Variants in PBX1 observed in about 807,000 individuals in gnomAD.
The protein encoded by PBX1 is pre-B-cell leukemia transcription factor 1.
A neutral mutation model predicts 53.4 loss-of-function variants in PBX1; 6 were observed. That is an observed-to-expected ratio of 0.11 (90% CI 0.06 to 0.22). The LOEUF (loss-of-function observed/expected upper bound fraction) is 0.22, where lower values mean the gene tolerates loss of function less well. PBX1 is among the 10% of genes least tolerant of loss of function. PBX1 has a pLI of 1.00. For synonymous variants in PBX1, 204 were observed against 212.3 expected, an observed-to-expected ratio of 0.96 and a Z score of 0.34; for missense variants, 251 against 551.4, an observed-to-expected ratio of 0.46 and a Z score of 5.46.
intron 2 of PBX1, among the ~76,000 whole-genome samples, chr1:164,594,929 G>A (rs1655655976): frequency 6.6e-6 from 1 of 152,160 alleles, no homozygotes; most frequent in Non-Finnish European, 1.5e-5. Context: ...CTAATAAGTG[G>A]CAGAAATGAA....
intron 2 of PBX1, among the ~76,000 whole-genome samples, chr1:164,617,745 T>C (rs1657376329): frequency 6.6e-6 from 1 of 152,232 alleles, no homozygotes; most frequent in Non-Finnish European, 1.5e-5. Context: ...TTTGTTCTGT[T>C]ATTTTAAATC....
intron 2 of PBX1, among the ~76,000 whole-genome samples, chr1:164,691,593 G>A (rs1183738562): frequency 1.3e-5 from 2 of 152,244 alleles, no homozygotes; most frequent in South Asian, 2.1e-4. Flanking sequence ...GCGTCTTCTA[G>A]GCTAGGGGCT....
chr1:164,600,246 CTT>C lies in PBX1; in HGVS notation c.265+36957_265+36958del, dbSNP rs71097539. Among the ~76,000 whole-genome samples, 1,130 of 121,656 alleles carry C rather than the reference CTT, an allele frequency of 9.3e-3. 3 individuals carry two copies. Among genetic ancestry groups the C allele is most frequent in the South Asian group, 0.019 (59 of 3,168 alleles). 79.8% of individuals were successfully genotyped at this position (121,656 alleles called of 152,430 possible). A position where few individuals can be genotyped will look rare whatever the true frequency, so the allele number is the denominator to read the frequency against. ...ATTAAGAGCCTAAAGTATGCTGCTG[CTT>C]TTTTTTTTTTTTTTTTTTTTTGATA... is the stretch of plus-strand genomic sequence containing the variant. On this transcript the variant is annotated intron_variant, in intron 2 of 8. Coordinates refer to ENST00000420696, the MANE Select transcript of PBX1 (RefSeq NM_002585.4).
chr1:164,571,137 ATAG>A (rs1279783900), intron 2 of PBX1, among the ~76,000 whole-genome samples: 1 of 152,158 alleles, frequency 6.6e-6, no homozygotes. Flanking sequence ...GCCTTGATTC[ATAG>A]TAGATTTATT....
rs184450990 is a variant in PBX1 at position 164,702,521 on chromosome 1, G to A, written c.266-89973G>A. ...AGTTGACCAAGGTGGGCTTCAGTGTGAGTGAGTGTGTGCACTTGTACAGAT... is the reference window on the plus strand; with the variant it reads ...AGTTGACCAAGGTGGGCTTCAGTGTAAGTGAGTGTGTGCACTTGTACAGAT... On this transcript the variant is annotated intron_variant, in intron 2 of 8. Coordinates refer to ENST00000420696, the MANE Select transcript of PBX1 (RefSeq NM_002585.4). Among the ~76,000 whole-genome samples the A allele has an allele frequency of 7.2e-4, 109 of 152,322 alleles. 1 individual carries two copies. The highest frequency in any genetic ancestry group is 1.2e-3 in the Non-Finnish European group (83 of 68,030).
chr1:164,804,171 T>G (rs1323970993), intron 4 of PBX1, among the ~76,000 whole-genome samples: 1 of 152,192 alleles, frequency 6.6e-6, no homozygotes, highest in Non-Finnish European at 1.5e-5. Flanking sequence ...AAAGAACAAT[T>G]ATTGAAGCCT....
Position 164,846,878 on chromosome 1 carries a change from T to A in PBX1, c.*202T>A, listed in dbSNP as rs938942127. On this transcript the variant is annotated 3_prime_UTR_variant, in exon 9 of 9. Transcript: ENST00000420696. ...TCTTTATACTCTCTTCCCTTTTTTT[T>A]CTGGGTAGAAGCCACCCTTCCCTGC... is the stretch of plus-strand genomic sequence containing the variant. The A allele has an allele frequency of 2.1e-6, 3 of 1,401,550 alleles. No individual in the cohort carries two copies. Among genetic ancestry groups the A allele is most frequent in the African/African-American group, 2.9e-5 (2 of 69,330 alleles). The allele number at this position is 1,401,550 out of a possible 1,614,324, so 86.8% of individuals were successfully genotyped here.
rs563356963 is a variant in PBX1 at position 164,700,084 on chromosome 1, GC to G, written c.266-92408del. 7.6e-3 allele frequency among the ~76,000 whole-genome samples: 1,157 copies of G among 152,314 alleles called. 5 individuals are homozygous for G. Among genetic ancestry groups the G allele is most frequent in the Non-Finnish European group, 0.011 (742 of 68,026 alleles). ...GGGAGGTAATGGGCTTTCGCAACAT[GC>G]CGGAACAGAGATGCTTATTACAGGG... On this transcript the variant is annotated intron_variant, in intron 2 of 8. Coordinates refer to ENST00000420696, the MANE Select transcript of PBX1 (RefSeq NM_002585.4).
chr1:164,664,129 A>C (rs965008576), intron 2 of PBX1, among the ~76,000 whole-genome samples: 15 of 152,244 alleles, frequency 9.9e-5, no homozygotes, highest in African/African-American at 3.1e-4. Flanking sequence ...AGAGAAGGAC[A>C]TAGATGTCTC....
rs145089932 is a variant in PBX1, at chr1:164,816,087, A to G, written c.997+3938A>G. 253 of 152,302 alleles carry G rather than the reference A, an allele frequency of 1.7e-3. 2 individuals are homozygous for G. The highest frequency in any genetic ancestry group is 5.9e-3 in the African/African-American group (247 of 41,574). The allele number at this position is 152,302 out of a possible 1,614,324, so 9.4% of individuals were successfully genotyped here. ...AAAATATTTATCCCACTGATGTTTT[A>G]TCTCATGTCTTTCTTAGTATGATTC... On this transcript the variant is annotated intron_variant, in intron 6 of 8. Transcript: ENST00000420696.
intron 2 of PBX1, among the ~76,000 whole-genome samples, chr1:164,615,756 C>T (rs1657236646): frequency 6.6e-6 from 1 of 152,022 alleles, no homozygotes; most frequent in South Asian, 2.1e-4. Context: ...GTGCCCACCA[C>T]AACTAAATAA....
At chr1:164,719,621 A>G (rs1664294989) in intron 2 of PBX1, among the ~76,000 whole-genome samples, 1 of 152,164 alleles carries the variant, frequency 6.6e-6, no homozygotes, top group Non-Finnish European at 1.5e-5. Flanking sequence ...AGGTGATGCT[A>G]TGCCATGTCC....
At chr1:164,626,235 T>C in intron 2 of PBX1, 2 of 421,058 alleles carry the variant, frequency 4.7e-6, no homozygotes, top group Non-Finnish European at 6.6e-6. Context: ...ATGGCAGAAA[T>C]ACGGTATTTG....
chr1:164,720,092 G>A (rs900665451), intron 2 of PBX1, among the ~76,000 whole-genome samples: 1 of 152,120 alleles, frequency 6.6e-6, no homozygotes, highest in Admixed American at 6.6e-5. Context: ...AATTTGTATC[G>A]AATGCAAAAT....
intron 2 of PBX1, among the ~76,000 whole-genome samples, chr1:164,788,758 C>CG (rs997850027): frequency 7.2e-6 from 1 of 139,284 alleles, no homozygotes; most frequent in African/African-American, 2.7e-5. Context: ...GCCCTCCCCC[C>CG]CCCGCCCTTT....
chr1:164,870,798 A>C (rs1421559127), intron 2 of PBX1, among the ~76,000 whole-genome samples: 1 of 152,198 alleles, frequency 6.6e-6, no homozygotes, highest in Non-Finnish European at 1.5e-5. Context: ...ACATTTCCAC[A>C]TCCTTCCTTG....
At chr1:164,858,665 C>G (rs1489089616) in intron 2 of PBX1, among the ~76,000 whole-genome samples, 2 of 152,146 alleles carry the variant, frequency 1.3e-5, no homozygotes, top group Non-Finnish European at 2.9e-5. Context: ...CTAGTACAAT[C>G]TAAAGGCCCA....
intron 2 of PBX1, among the ~76,000 whole-genome samples, chr1:164,628,308 A>T (rs983686526): frequency 1.2e-4 from 19 of 152,202 alleles, no homozygotes; most frequent in Non-Finnish European, 2.5e-4. Flanking sequence ...AAGGTAAGGG[A>T]TATAGAACAT....
At chr1:164,722,682 T>C (rs939688469) in intron 2 of PBX1, among the ~76,000 whole-genome samples, 1 of 152,202 alleles carries the variant, frequency 6.6e-6, no homozygotes, top group Non-Finnish European at 1.5e-5. Context: ...TTCTTTGTTT[T>C]GGTCATTTTT....
Sources: gnomAD v4.1 joint callset for allele counts (sites outside exome capture counted in the v4.1 genomes callset) on GRCh38, gnomAD v4.1.1 for gene constraint, MANE v1.5 for transcripts, NCBI Gene and HGNC (gene_info 2026-07-23, HGNC 2026-07-21) for gene names.